The following AJAP1 variants were observed in gnomAD, a reference collection of about 807,000 sequenced individuals.
The protein encoded by AJAP1 is adherens junctions associated protein 1.
A neutral mutation model predicts 35.0 loss-of-function variants in AJAP1; 5 were observed. The ratio of observed to expected loss-of-function variants is 0.14; its 90% CI spans 0.07 to 0.30. The LOEUF (loss-of-function observed/expected upper bound fraction) is 0.30. AJAP1 is among the 10% of genes least tolerant of loss of function. The probability of loss-of-function intolerance (pLI) is 1.00; values close to 1 mark genes in which losing one functional copy is unlikely to be tolerated. For synonymous variants in AJAP1, 284 were observed against 249.3 expected (o/e 1.14, Z -1.31); for missense variants, 586 against 571.0 (o/e 1.03, Z -0.27).
At chr1:4,684,915 A>G (rs1639571975) in intron 1 of AJAP1, among the ~76,000 whole-genome samples, 1 of 152,194 alleles carries the variant, frequency 6.6e-6, no homozygotes. Flanking sequence ...AGCCAGGCCC[A>G]TTGGCAGCCT....
chr1:4,679,808 G>GGTT (rs1553154884), intron 1 of AJAP1, among the ~76,000 whole-genome samples: 1 of 142,324 alleles, frequency 7.0e-6, no homozygotes, highest in Admixed American at 7.0e-5. Flanking sequence ...GAACCAATAG[G>GGTT]GTGTGTGTGT....
chr1:4,709,095 T>G (rs796646753), intron 1 of AJAP1, among the ~76,000 whole-genome samples: 10 of 152,374 alleles, frequency 6.6e-5, no homozygotes, highest in African/African-American at 1.7e-4. Flanking sequence ...TGTGAAGTTA[T>G]GCCAGCGAGG....
intron 4 of AJAP1, 84 bp from the exon 5 acceptor site, chr1:4,774,343 C>G: frequency 7.7e-7 from 1 of 1,302,882 alleles, no homozygotes; most frequent in Non-Finnish European, 1.1e-6. Flanking sequence ...AAGCCAGTCC[C>G]CACCACAGGC....
intron 1 of AJAP1, among the ~76,000 whole-genome samples, chr1:4,690,488 T>C (rs1399883641): frequency 6.6e-6 from 1 of 152,224 alleles, no homozygotes. Context: ...TGGAGGTGGC[T>C]GCAGTACGGG....
At chr1:4,685,091 C>G (rs1179854966) in intron 1 of AJAP1, among the ~76,000 whole-genome samples, 2 of 152,204 alleles carry the variant, frequency 1.3e-5, no homozygotes, top group Non-Finnish European at 2.9e-5. Context: ...CCCCGAACCC[C>G]CTCTGATCTG....
At chr1:4,710,012 A>C (rs1316683421) in intron 1 of AJAP1, among the ~76,000 whole-genome samples, 1 of 152,124 alleles carries the variant, frequency 6.6e-6, no homozygotes, top group Non-Finnish European at 1.5e-5. Flanking sequence ...GGATGCGTTC[A>C]CACACAGCTA....
At chr1:4,764,980 C>T (rs1432345177) in intron 2 of AJAP1, among the ~76,000 whole-genome samples, 2 of 152,168 alleles carry the variant, frequency 1.3e-5, no homozygotes, top group African/African-American at 4.8e-5. Context: ...CCATAAAAGC[C>T]CTATTGATTG....
At chr1:4,660,118 T>TG (rs1290880520) in intron 1 of AJAP1, among the ~76,000 whole-genome samples, 12 of 152,360 alleles carry the variant, frequency 7.9e-5, no homozygotes, top group Admixed American at 7.8e-4. Context: ...CCACCAGAGC[T>TG]GGAACACCTC....
rs1642252153 is a variant in AJAP1 at position 4,791,795 on chromosome 1, A to T, written c.*9310A>T. 6.6e-6 allele frequency: 1 copy of T among 152,206 alleles called. No individual in the cohort carries two copies. The highest frequency in any genetic ancestry group is 1.5e-5 in the Non-Finnish European group (1 of 68,038). The allele number at this position is 152,206 out of a possible 1,614,324, so 9.4% of individuals were successfully genotyped here. A position where few individuals can be genotyped will look rare whatever the true frequency, so the allele number is the denominator to read the frequency against. ...AGTCACAGATCTGAGAAATAGAAGGACCAGGTCCGTGTGGATGCTCCTAGT... is the reference window on the plus strand; with the variant it reads ...AGTCACAGATCTGAGAAATAGAAGGTCCAGGTCCGTGTGGATGCTCCTAGT... On this transcript the variant is annotated 3_prime_UTR_variant, in exon 6 of 6. Coordinates refer to ENST00000378191, the MANE Select transcript of AJAP1 (RefSeq NM_018836.4).
At chr1:4,710,330 C>T (rs575424723) in intron 1 of AJAP1, among the ~76,000 whole-genome samples, 418 of 152,314 alleles carry the variant, frequency 2.7e-3, no homozygotes, top group Middle Eastern at 6.8e-3. Context: ...CCCTCACTCA[C>T]GCACAGTCTC....
intron 2 of AJAP1, among the ~76,000 whole-genome samples, chr1:4,761,089 G>A (rs1277023053): frequency 3.9e-5 from 6 of 152,166 alleles, no homozygotes; most frequent in African/African-American, 1.2e-4. Flanking sequence ...CAGGGTGCCC[G>A]AACCTTTGGA....
At chr1:4,713,511 G>A (rs1227261024) in intron 2 of AJAP1, among the ~76,000 whole-genome samples, 1 of 152,192 alleles carries the variant, frequency 6.6e-6, no homozygotes, top group African/African-American at 2.4e-5. Flanking sequence ...TTTGAAAGGA[G>A]TAGCCCTTGG....
chr1:4,672,915 A>G (rs562450599), intron 1 of AJAP1, among the ~76,000 whole-genome samples: 1 of 152,316 alleles, frequency 6.6e-6, no homozygotes, highest in South Asian at 2.1e-4. Context: ...GAGGAGATAG[A>G]GATGAGGGCA....
chr1:4,767,373 C>G (rs947312623), intron 2 of AJAP1, among the ~76,000 whole-genome samples: 1 of 151,942 alleles, frequency 6.6e-6, no homozygotes, highest in Admixed American at 6.5e-5. Context: ...TTATTACCAT[C>G]GTCACCATCA....
chr1:4,702,492 A>G (rs937758552), intron 1 of AJAP1, among the ~76,000 whole-genome samples: 3 of 152,272 alleles, frequency 2.0e-5, no homozygotes. Flanking sequence ...GCTTTGCCCA[A>G]GGGCTTGACC....
chr1:4,751,598 C>T (rs561300365), intron 2 of AJAP1, among the ~76,000 whole-genome samples: 8 of 152,350 alleles, frequency 5.3e-5, no homozygotes, highest in African/African-American at 9.6e-5. Flanking sequence ...CTGGAGCCCA[C>T]GGTCTGGCAG....
chr1:4,688,298 G>C (rs1443189526), intron 1 of AJAP1, among the ~76,000 whole-genome samples: 1 of 152,192 alleles, frequency 6.6e-6, no homozygotes, highest in African/African-American at 2.4e-5. Flanking sequence ...TGTCATCCAA[G>C]AGAGACAGTG....
At chr1:4,778,256 A>G (rs1261321204) in intron 5 of AJAP1, among the ~76,000 whole-genome samples, 1 of 152,162 alleles carries the variant, frequency 6.6e-6, no homozygotes, top group African/African-American at 2.4e-5. Context: ...TCAGGTGGAC[A>G]TTCACCTTCA....
intron 1 of AJAP1, among the ~76,000 whole-genome samples, chr1:4,688,175 G>A (rs559182241): frequency 5.3e-5 from 8 of 152,258 alleles, no homozygotes; most frequent in Non-Finnish European, 7.4e-5. Context: ...CCCTCGGAGC[G>A]CCCCGTAGTC....
Sources: allele counts gnomAD v4.1 joint callset (sites outside exome capture counted in the v4.1 genomes callset), GRCh38; gene constraint gnomAD v4.1.1; transcripts MANE v1.5; gene names NCBI Gene and HGNC (gene_info 2026-07-23, HGNC 2026-07-21).